The following PIK3C2G variants were observed in gnomAD, a reference collection of about 807,000 sequenced individuals.
PIK3C2G encodes the protein phosphatidylinositol-4-phosphate 3-kinase catalytic subunit type 2 gamma, also known as phosphatidylinositol 3-kinase C2 domain-containing subunit gamma.
PIK3C2G carries 168 observed loss-of-function variants against 181.1 expected under a neutral mutation model. The ratio of observed to expected loss-of-function variants is 0.93; its 90% CI spans 0.82 to 1.05. PIK3C2G has a LOEUF of 1.05. Among genes scored for constraint, PIK3C2G ranks in the 50% least tolerant of loss-of-function variants. PIK3C2G has a pLI of 0.00. For missense variants in PIK3C2G, 1,869 were observed against 1,732.8 expected (o/e 1.08, Z -1.40); for synonymous variants, 573 against 592.2 (o/e 0.97, Z 0.47).
chr12:18,246,760 C>T (rs141767704), upstream of PIK3C2G, among the ~76,000 whole-genome samples: 50 of 152,158 alleles, frequency 3.3e-4, no homozygotes, highest in African/African-American at 1.1e-3. Context: ...ATCAGCAATA[C>T]GGCAGTCATT....
chr12:18,353,112 C>A (rs759053142), intron 11 of PIK3C2G, among the ~76,000 whole-genome samples: 14 of 152,192 alleles, frequency 9.2e-5, no homozygotes, highest in Admixed American at 1.3e-4. Flanking sequence ...CTTCCCTGCT[C>A]TGAAGAGGCA....
chr12:18,653,633 A>C, the PIK3C2G span, among the ~76,000 whole-genome samples: 1 of 152,156 alleles, frequency 6.6e-6, no homozygotes, highest in Non-Finnish European at 1.5e-5. Flanking sequence ...GCACTGGAGG[A>C]GACAAAACCA....
chr12:18,542,976 A>G (rs1033973727), intron 25 of PIK3C2G, among the ~76,000 whole-genome samples: 47 of 152,038 alleles, frequency 3.1e-4, no homozygotes, highest in South Asian at 6.2e-4. Context: ...ACTGCTTTTC[A>G]CAATGGTTGA....
At chr12:18,628,546 TAAAAC>T (rs1007062563) in intron 31 of PIK3C2G, among the ~76,000 whole-genome samples, 1 of 152,218 alleles carries the variant, frequency 6.6e-6, no homozygotes, top group Non-Finnish European at 1.5e-5. Flanking sequence ...TTCATGTACT[TAAAAC>T]AATACCATTT....
At chr12:18,441,523 G>GT (rs1274774458) in intron 18 of PIK3C2G, among the ~76,000 whole-genome samples, 1 of 152,118 alleles carries the variant, frequency 6.6e-6, no homozygotes, top group African/African-American at 2.4e-5. Context: ...TAATGATAGG[G>GT]TGTGATATCT....
rs1364034675 is a variant in PIK3C2G, at chr12:18,561,433, C to T, written c.3591-1270C>T. 3.3e-5 allele frequency among the ~76,000 whole-genome samples: 5 copies of T among 152,116 alleles called. No individual in the cohort carries two copies. In the South Asian group the frequency reaches 6.2e-4, roughly 19 times the overall value. On this transcript the variant is annotated intron_variant, in intron 26 of 32. Transcript: ENST00000538779. ...TTCAGAGGCTGTAGTGAGCTACTAT[C>T]TCACCACTGTATTCCAGCCTGGGTG... is the stretch of plus-strand genomic sequence containing the variant.
intron 26 of PIK3C2G, among the ~76,000 whole-genome samples, chr12:18,550,047 G>A (rs1242145382): frequency 6.6e-6 from 1 of 151,720 alleles, no homozygotes; most frequent in Non-Finnish European, 1.5e-5. Context: ...TTTATTTTTA[G>A]ACATGATTTA....
At chr12:18,315,973 G>A (rs1298038255) in intron 6 of PIK3C2G, among the ~76,000 whole-genome samples, 1 of 151,274 alleles carries the variant, frequency 6.6e-6, no homozygotes, top group African/African-American at 2.4e-5. Context: ...GGGCATGATC[G>A]GTGATTAATA....
chr12:18,670,432 C>T, the PIK3C2G span, among the ~76,000 whole-genome samples: 595 of 152,088 alleles, frequency 3.9e-3, 4 homozygotes, highest in African/African-American at 0.014. Flanking sequence ...TAAAGGGGAG[C>T]AAACAAACCA....
chr12:18,462,403 G>A (rs941387674), intron 18 of PIK3C2G, among the ~76,000 whole-genome samples: 2 of 152,024 alleles, frequency 1.3e-5, no homozygotes, highest in African/African-American at 4.8e-5. Context: ...AAAAAAATGT[G>A]GTTTTCCCTT....
In PIK3C2G at chr12:18,313,970, G is replaced by A; in HGVS notation, c.1043G>A (p.Cys348Tyr). Reference protein sequence around the residue: ...GSEEFLQNDHCLGSHKMFQKD... With the variant: ...GSEEFLQNDHYLGSHKMFQKD... ...ATTTTTTCCTCCTTCAGCGACCACT[G>A]TTTGGGGAGCCACAAAATGTTTCAA... Residue 348 changes from cysteine (C) to tyrosine (Y), a missense_variant, in exon 6 of 33, where the codon TGT becomes TAT. Coordinates refer to ENST00000538779, the MANE Select transcript of PIK3C2G (RefSeq NM_001288772.2). The A allele has an allele frequency of 1.3e-6, 2 of 1,574,178 alleles. No individual in the cohort carries two copies. Among genetic ancestry groups the A allele is most frequent in the Non-Finnish European group, 1.7e-6 (2 of 1,153,780 alleles).
chr12:18,520,056 C>CT (rs1461328474), intron 24 of PIK3C2G, among the ~76,000 whole-genome samples: 1 of 146,042 alleles, frequency 6.8e-6, no homozygotes, highest in Non-Finnish European at 1.5e-5. Context: ...CCCCTCTCTT[C>CT]TGTCTTGTAG....
At chr12:18,512,064 A>T (rs1942246903) in intron 24 of PIK3C2G, among the ~76,000 whole-genome samples, 1 of 152,074 alleles carries the variant, frequency 6.6e-6, no homozygotes. Context: ...ATTTATTGAA[A>T]GACTGTCTTC....
intron 29 of PIK3C2G, among the ~76,000 whole-genome samples, chr12:18,584,513 C>A (rs148613598): frequency 6.6e-6 from 1 of 151,824 alleles, no homozygotes; most frequent in African/African-American, 2.4e-5. Flanking sequence ...TGAAAAGAAA[C>A]GAACAAAACC....
chr12:18,361,974 T>A (rs1347712420), intron 11 of PIK3C2G, among the ~76,000 whole-genome samples: 1 of 142,838 alleles, frequency 7.0e-6, no homozygotes, highest in Non-Finnish European at 1.5e-5. Flanking sequence ...GCCACCCAAC[T>A]TTTTTTTTTT....
the PIK3C2G span, among the ~76,000 whole-genome samples, chr12:18,722,696 C>T: frequency 5.3e-5 from 8 of 151,834 alleles, no homozygotes; most frequent in Non-Finnish European, 8.8e-5. Flanking sequence ...AAAGATGGAA[C>T]AAAGATCACA....
chr12:18,288,307 T>C (rs555498059), intron 3 of PIK3C2G, among the ~76,000 whole-genome samples: 66 of 152,372 alleles, frequency 4.3e-4, no homozygotes, highest in African/African-American at 1.5e-3. Flanking sequence ...AATAAAATGT[T>C]TGAATCATTT....
rs371333450 is a variant in PIK3C2G at position 18,338,464 on chromosome 12, A to G, written c.1311A>G (p.Ile437Met). Residue 437 changes from isoleucine to methionine, a missense_variant, in exon 9 of 33, where the codon ATA becomes ATG. Physicochemically the swap from Ile to Met is conservative, Grantham distance 10. Coordinates refer to ENST00000538779, the MANE Select transcript of PIK3C2G (RefSeq NM_001288772.2). ...VYNIIEEVKK[I>M]CSVLGCVETK... is the part of the protein sequence containing the mutation. ...ATATTATTGAAGAAGTTAAAAAAAT[A>G]TGCAGTGTTCTAGGGTGTGTGGAAA... 44 of 1,577,042 alleles carry G rather than the reference A, an allele frequency of 2.8e-5. No homozygotes were observed. Among genetic ancestry groups the G allele is most frequent in the Non-Finnish European group, 3.7e-5 (42 of 1,148,156 alleles).
intron 31 of PIK3C2G, among the ~76,000 whole-genome samples, chr12:18,616,414 A>G (rs1948611704): frequency 6.6e-6 from 1 of 152,142 alleles, no homozygotes; most frequent in Admixed American, 6.6e-5. Flanking sequence ...ATATTTATAA[A>G]TCAATAGCTT....
Sources: allele counts gnomAD v4.1 joint callset (sites outside exome capture counted in the v4.1 genomes callset), GRCh38; gene constraint gnomAD v4.1.1; transcripts MANE v1.5; gene names NCBI Gene and HGNC (gene_info 2026-07-23, HGNC 2026-07-21).